Variants in DAB2IP observed in about 807,000 individuals in gnomAD.
DAB2IP encodes the protein DAB2 interacting protein.
A neutral mutation model predicts 107.2 loss-of-function variants in DAB2IP; 28 were observed. That is an observed-to-expected ratio of 0.26 (90% confidence interval 0.19 to 0.36). DAB2IP has a LOEUF of 0.36. DAB2IP is among the 10% of genes least tolerant of loss of function. The pLI, the probability that DAB2IP is intolerant of heterozygous loss-of-function variation, is 1.00. For synonymous variants in DAB2IP, 755 were observed against 706.4 expected, an observed-to-expected ratio of 1.07 and a Z score of -1.09; for missense variants, 1,400 against 1,644.7, an observed-to-expected ratio of 0.85 and a Z score of 2.57.
At chr9:121,710,969 T>C (rs760255201) in intron 3 of DAB2IP, among the ~76,000 whole-genome samples, 1 of 152,194 alleles carries the variant, frequency 6.6e-6, no homozygotes, top group Non-Finnish European at 1.5e-5. Flanking sequence ...CTGCCTGAGG[T>C]GGTCTTGCTC....
chr9:121,588,042 A>AT (rs1040333722), intron 1 of DAB2IP, among the ~76,000 whole-genome samples: 1 of 152,164 alleles, frequency 6.6e-6, no homozygotes, highest in Non-Finnish European at 1.5e-5. Context: ...GTAAACTCCT[A>AT]TCCATGCGTT....
At chr9:121,747,590 A>G (rs1454787370) in intron 3 of DAB2IP, among the ~76,000 whole-genome samples, 1 of 151,818 alleles carries the variant, frequency 6.6e-6, no homozygotes, top group East Asian at 1.9e-4. Context: ...CTCATGATCC[A>G]CCTGCCTCGG....
intron 2 of DAB2IP, among the ~76,000 whole-genome samples, chr9:121,683,550 A>AT (rs931875149): frequency 3.0e-4 from 45 of 152,260 alleles, no homozygotes; most frequent in African/African-American, 1.1e-3. Context: ...TCTCAGGGCT[A>AT]TTTTTTGCGA....
intron 1 of DAB2IP, among the ~76,000 whole-genome samples, chr9:121,661,664 T>C (rs1833210068): frequency 6.6e-6 from 1 of 152,128 alleles, no homozygotes; most frequent in African/African-American, 2.4e-5. Context: ...CCCCTCCATC[T>C]ACATGAAACA....
At chr9:121,653,972 A>G (rs989936644) in intron 1 of DAB2IP, among the ~76,000 whole-genome samples, 2 of 152,116 alleles carry the variant, frequency 1.3e-5, no homozygotes, top group Admixed American at 6.5e-5. Flanking sequence ...CACAAAATGG[A>G]TAGGGTTTCC....
rs1833785446 is a variant in DAB2IP, at chr9:121,760,114, A to G, written c.845A>G (p.Lys282Arg). 1 of 1,613,948 alleles carries G rather than the reference A, an allele frequency of 6.2e-7. No individual in the cohort carries two copies. The change falls in exon 6 of 16, where the codon AAG becomes AGG. Residue 282 changes from lysine (K) to arginine (R), a missense_variant. Lys to Arg is a conservative substitution (Grantham distance 26). Transcript: ENST00000408936. The surrounding 1 kb of genome is among the most constrained non-coding windows in gnomAD (Gnocchi z 5.9). ...CACCTGTACCGGGAGACCGACAAGA[A>G]GAAGAAGAAGGAGCGCAACAGTTAC... is the stretch of plus-strand genomic sequence containing the variant.
intron 1 of DAB2IP, among the ~76,000 whole-genome samples, chr9:121,669,812 C>G (rs1398789986): frequency 6.6e-6 from 1 of 152,132 alleles, no homozygotes; most frequent in Non-Finnish European, 1.5e-5. Context: ...TCAGAGTAAC[C>G]TTGTCTGAGG....
intron 3 of DAB2IP, among the ~76,000 whole-genome samples, chr9:121,718,778 C>T (rs1396263681): frequency 6.6e-6 from 1 of 152,194 alleles, no homozygotes. Flanking sequence ...TTCCCCGGCT[C>T]GTGTTGTGTC....
chr9:121,764,556 C>T (rs1564213524), intron 8 of DAB2IP, among the ~76,000 whole-genome samples: 1 of 152,220 alleles, frequency 6.6e-6, no homozygotes, highest in Admixed American at 6.5e-5. Context: ...AGTATAGCCT[C>T]GTTCTGTGGT....
chr9:121,661,211 G>A (rs1833185191), intron 1 of DAB2IP, among the ~76,000 whole-genome samples: 2 of 152,212 alleles, frequency 1.3e-5, no homozygotes, highest in South Asian at 4.2e-4. Flanking sequence ...TCAGGAGAAG[G>A]CGAGAAAGGT....
At chr9:121,586,424 G>A (rs553305671) in intron 1 of DAB2IP, among the ~76,000 whole-genome samples, 88 of 152,258 alleles carry the variant, frequency 5.8e-4, no homozygotes, top group African/African-American at 1.9e-3. Context: ...GGCTTGAGAC[G>A]GAAACGTAAG....
chr9:121,747,054 G>T (rs1300433975), intron 3 of DAB2IP, among the ~76,000 whole-genome samples: 1 of 152,204 alleles, frequency 6.6e-6, no homozygotes, highest in Non-Finnish European at 1.5e-5. Flanking sequence ...CATGTTTGTG[G>T]TGGGCTCTAG....
chr9:121,763,336 C>T (rs1020525671), intron 6 of DAB2IP, among the ~76,000 whole-genome samples, 169 bp from the exon 7 acceptor site: 1 of 152,184 alleles, frequency 6.6e-6, no homozygotes, highest in Non-Finnish European at 1.5e-5. Context: ...CCTGCCCACA[C>T]TCCCCAGCAG....
upstream of DAB2IP, among the ~76,000 whole-genome samples, chr9:121,651,228 G>T (rs915229759): frequency 6.6e-6 from 1 of 152,242 alleles, no homozygotes; most frequent in Admixed American, 6.5e-5. This position sits in a 1 kb window ranked among gnomAD's most constrained non-coding sequence, Gnocchi z 5.1. Flanking sequence ...GCTGGGCCAG[G>T]GCCTGCGGAG....
chr9:121,764,143 G>T (rs1834096348), intron 8 of DAB2IP, among the ~76,000 whole-genome samples: 1 of 152,260 alleles, frequency 6.6e-6, no homozygotes. Flanking sequence ...TATTGTGGGT[G>T]CTTGGGCTGC....
At position 121,587,346 on chromosome 9, in the gene DAB2IP, C is replaced by T. The variant is rs7871540; in HGVS notation, c.40+20118C>T. On this transcript the variant is annotated intron_variant, in intron 1 of 16. Transcript: ENST00000259371. ...TTGAGGCCAGGTGCAGTGGCTCATG[C>T]CTATAAATCCCAGCACTCTGGGAGG... 8.7e-3 allele frequency among the ~76,000 whole-genome samples: 1,331 copies of T among 152,150 alleles called. 22 individuals are homozygous for T. Among genetic ancestry groups the T allele is most frequent in the African/African-American group, 0.029 (1,216 of 41,490 alleles).
At position 121,613,699 on chromosome 9, in the gene DAB2IP, C is replaced by T. The variant is rs141769246; in HGVS notation, c.40+46471C>T. ...GTGTTTGGGCAACTTCTCGCAAACT[C>T]GCGGAGGGATAGTTGAAAAGGCTCC... On this transcript the variant is annotated intron_variant, in intron 1 of 16. Coordinates refer to the DAB2IP transcript ENST00000259371. Among the ~76,000 whole-genome samples, 332 of 152,188 alleles carry T rather than the reference C, an allele frequency of 2.2e-3. 2 individuals are homozygous for T. The highest frequency in any genetic ancestry group is 7.6e-3 in the African/African-American group (314 of 41,518).
At chr9:121,749,985 G>A (rs1281991159) in intron 3 of DAB2IP, among the ~76,000 whole-genome samples, 6 of 152,140 alleles carry the variant, frequency 3.9e-5, no homozygotes, top group African/African-American at 1.4e-4. Flanking sequence ...TGACATCGTG[G>A]CTGGCAATGA....
Position 121,655,552 on chromosome 9 carries a change from A to G in DAB2IP, c.124+3653A>G, listed in dbSNP as rs559334665. 2.0e-5 allele frequency among the ~76,000 whole-genome samples: 3 copies of G among 152,316 alleles called. No homozygotes were observed. The South Asian group carries it at 6.2e-4, about 32-fold the overall frequency. Reference sequence around the variant, plus strand: ...GGAGGCCAGCTTGTTGGGGTGCACTAGGGCACAAGTCTCTTTCTAGGGGAC... The same window carrying G: ...GGAGGCCAGCTTGTTGGGGTGCACTGGGGCACAAGTCTCTTTCTAGGGGAC... On this transcript the variant is annotated intron_variant, in intron 1 of 15. Transcript: ENST00000408936.
Sources: allele counts gnomAD v4.1 joint callset (sites outside exome capture counted in the v4.1 genomes callset), GRCh38; gene constraint gnomAD v4.1.1; non-coding constraint Gnocchi (gnomAD v3.1); transcripts MANE v1.5; gene names NCBI Gene and HGNC (gene_info 2026-07-23, HGNC 2026-07-21).